The following LOXHD1 variants were observed in gnomAD, a reference collection of about 807,000 sequenced individuals.
The protein encoded by LOXHD1 is lipoxygenase homology PLAT domains 1.
LOXHD1 carries 205 observed loss-of-function variants against 248.2 expected under a neutral mutation model. That is an observed-to-expected ratio of 0.83 (90% confidence interval 0.74 to 0.93). The LOEUF is 0.93. LOXHD1 is among the 40% of genes least tolerant of loss of function. The pLI, the probability that LOXHD1 is intolerant of heterozygous loss-of-function variation, is 0.00. For missense variants in LOXHD1, 2,930 were observed against 2,971.6 expected (o/e 0.99, Z 0.33); for synonymous variants, 1,113 against 1,162.8 (o/e 0.96, Z 0.87).
Position 46,579,693 on chromosome 18 carries a change from C to T in LOXHD1, c.1746G>A (p.Gly582=), listed in dbSNP as rs370933210. 71 of 1,551,772 alleles carry T rather than the reference C, an allele frequency of 4.6e-5. No individual in the cohort carries two copies. In the African/African-American group the frequency reaches 8.6e-4, roughly 19 times the overall value. The change falls in exon 13 of 41, where the codon GGG becomes GGA. Residue 582 remains glycine (G), a synonymous_variant. Transcript: ENST00000642948. ...TGTAGAGCAGCCGTTCCCCCGTGTC[C>T]CCCACATCACCAAAAAGGCAGAGAT... ...NVYLCLFGDV[G]DTGERLLYNC... is the part of the protein sequence containing the mutation.
At chr18:46,535,452 G>T (rs2036267735) in intron 26 of LOXHD1, among the ~76,000 whole-genome samples, 1 of 152,168 alleles carries the variant, frequency 6.6e-6, no homozygotes, top group Non-Finnish European at 1.5e-5. Flanking sequence ...GCGGGGGATG[G>T]GGCAGCTACA....
chr18:46,564,234 A>G lies in LOXHD1; in HGVS notation c.2438-1009T>C, dbSNP rs559138199. 7.2e-4 allele frequency among the ~76,000 whole-genome samples: 109 copies of G among 152,322 alleles called. 1 individual carries two copies. The highest frequency in any genetic ancestry group is 2.6e-3 in the African/African-American group (107 of 41,576). On this transcript the variant is annotated intron_variant, in intron 17 of 40. Coordinates refer to ENST00000642948, the MANE Select transcript of LOXHD1 (RefSeq NM_001384474.1). The stretch of plus-strand genomic sequence containing the variant: ...ACGTCTAAGACTGTAAAATTAAAAA[A>G]TTGAGGCCAGGCACGGTGGTTCAGG...
chr18:46,485,390 T>G (rs1345985329), intron 38 of LOXHD1, among the ~76,000 whole-genome samples: 3 of 151,950 alleles, frequency 2.0e-5, no homozygotes, highest in Non-Finnish European at 4.4e-5. Context: ...TAGGCAAATA[T>G]GGGAGCCACT....
At position 46,615,493 on chromosome 18, in the gene LOXHD1, T is replaced by G. The variant is rs79982041; in HGVS notation, c.610+2699A>C. On this transcript the variant is annotated intron_variant, in intron 5 of 40. Transcript: ENST00000642948. ...TATTATAATTTATTCTTTAATTACT[T>G]AGACATATGCTTTTTAATTTTTAAA... Among the ~76,000 whole-genome samples the G allele has an allele frequency of 5.2e-3, 791 of 152,358 alleles. 19 individuals carry two copies. The East Asian group carries it at 0.073, about 14-fold the overall frequency.
At chr18:46,610,189 G>A (rs1030859704) in intron 6 of LOXHD1, among the ~76,000 whole-genome samples, 3 of 152,166 alleles carry the variant, frequency 2.0e-5, no homozygotes, top group Non-Finnish European at 4.4e-5. Context: ...ACAGGCCCCG[G>A]CTAGGTTCAG....
intron 37 of LOXHD1, 26 bp downstream of exon 37, chr18:46,505,812 C>T (rs1158479682): frequency 6.4e-7 from 1 of 1,551,320 alleles, no homozygotes; most frequent in South Asian, 1.2e-5. Context: ...TGCCCTCCCA[C>T]CAACCTGGCC....
intron 21 of LOXHD1, among the ~76,000 whole-genome samples, chr18:46,553,307 T>A (rs1255604594): frequency 1.3e-5 from 2 of 152,206 alleles, no homozygotes; most frequent in Non-Finnish European, 2.9e-5. Context: ...TCATGATGAT[T>A]TCCTGGGTGA....
chr18:46,500,709 A>G (rs1319233047), intron 37 of LOXHD1, among the ~76,000 whole-genome samples: 1 of 152,092 alleles, frequency 6.6e-6, no homozygotes, highest in African/African-American at 2.4e-5. Flanking sequence ...TCCTATCTAT[A>G]TTGTAGCTTC....
intron 37 of LOXHD1, among the ~76,000 whole-genome samples, chr18:46,500,498 C>T (rs1455572175): frequency 1.3e-5 from 2 of 152,178 alleles, no homozygotes; most frequent in Non-Finnish European, 2.9e-5. Flanking sequence ...CTGCCATCAT[C>T]GTGCTGCAAG....
At chr18:46,597,701 C>T (rs911071744) in intron 8 of LOXHD1, among the ~76,000 whole-genome samples, 4 of 151,944 alleles carry the variant, frequency 2.6e-5, no homozygotes, top group South Asian at 4.1e-4. Context: ...CATAACCAAT[C>T]GACAACTGTA....
At chr18:46,635,504 C>A (rs1212284544) in intron 4 of LOXHD1, among the ~76,000 whole-genome samples, 2 of 152,110 alleles carry the variant, frequency 1.3e-5, no homozygotes, top group Admixed American at 1.3e-4. Context: ...TTGGATGGAT[C>A]CCCACATCCC....
Position 46,601,415 on chromosome 18 carries a change from G to A in LOXHD1, c.936C>T (p.Thr312=). 6.4e-7 allele frequency: 1 copy of A among 1,551,658 alleles called. No homozygotes were observed. The highest frequency in any genetic ancestry group is 8.7e-7 in the Non-Finnish European group (1 of 1,146,984). The part of the protein sequence containing the change: ...VFTGDVRGAG[T]KSKIYLVMYG... ...ACATGACCAAGTAGATTTTGGATTTGGTACCAGCCCCCCGGACATCCCCAG... is the reference window on the plus strand; with the variant it reads ...ACATGACCAAGTAGATTTTGGATTTAGTACCAGCCCCCCGGACATCCCCAG... The change falls in exon 8 of 41, where the codon ACC becomes ACT. Residue 312 remains threonine, a synonymous_variant. Coordinates refer to ENST00000642948, the MANE Select transcript of LOXHD1 (RefSeq NM_001384474.1).
Position 46,593,773 on chromosome 18 carries a change from T to C in LOXHD1, c.1271-13A>G, listed in dbSNP as rs1326485264. 7 of 1,551,306 alleles carry C rather than the reference T, an allele frequency of 4.5e-6. No homozygotes were observed. Among genetic ancestry groups the C allele is most frequent in the Non-Finnish European group, 3.5e-6 (4 of 1,146,856 alleles). Reference sequence around the variant, plus strand: ...GACCAAGGGAATTCTGTAAGACAGATCAAGTTGCACCATAAACTTCAGGAA... The same window carrying C: ...GACCAAGGGAATTCTGTAAGACAGACCAAGTTGCACCATAAACTTCAGGAA... On this transcript the variant is annotated splice_polypyrimidine_tract_variant and intron_variant, in intron 9 of 40. Coordinates refer to ENST00000642948, the MANE Select transcript of LOXHD1 (RefSeq NM_001384474.1).
chr18:46,487,799 G>A (rs1055321890), intron 38 of LOXHD1, among the ~76,000 whole-genome samples: 3 of 152,214 alleles, frequency 2.0e-5, no homozygotes, highest in African/African-American at 2.4e-5. Context: ...AGAAAGAGAC[G>A]TACTGAGACC....
intron 12 of LOXHD1, among the ~76,000 whole-genome samples, chr18:46,584,616 T>A (rs2038024936): frequency 6.6e-6 from 1 of 152,100 alleles, no homozygotes; most frequent in Non-Finnish European, 1.5e-5. Flanking sequence ...GCCCAGATGT[T>A]TTTATTACTG....
At chr18:46,523,640 G>C (rs1284184200) in intron 31 of LOXHD1, among the ~76,000 whole-genome samples, 1 of 152,120 alleles carries the variant, frequency 6.6e-6, no homozygotes, top group Non-Finnish European at 1.5e-5. Flanking sequence ...GTGGATTTTA[G>C]GTTATACAAT....
At chr18:46,537,420 A>G (rs566530457) in intron 26 of LOXHD1, among the ~76,000 whole-genome samples, 11 of 152,296 alleles carry the variant, frequency 7.2e-5, no homozygotes, top group African/African-American at 2.4e-4. Context: ...AGGGTCCATG[A>G]CAATGACCAT....
intron 8 of LOXHD1, among the ~76,000 whole-genome samples, chr18:46,600,990 C>T (rs1378751758): frequency 6.6e-6 from 1 of 152,166 alleles, no homozygotes; most frequent in African/African-American, 2.4e-5. Context: ...CTCTGGGTAA[C>T]CTGTCCTGCT....
At chr18:46,513,787 A>G (rs2035101761) in intron 34 of LOXHD1, among the ~76,000 whole-genome samples, 1 of 152,232 alleles carries the variant, frequency 6.6e-6, no homozygotes, top group African/African-American at 2.4e-5. Flanking sequence ...GTAATTTTGT[A>G]TCACCACTTC....
Sources: gnomAD v4.1 joint callset for allele counts (sites outside exome capture counted in the v4.1 genomes callset) on GRCh38, gnomAD v4.1.1 for gene constraint, MANE v1.5 for transcripts, NCBI Gene and HGNC (gene_info 2026-07-23, HGNC 2026-07-21) for gene names.